MPP7: variants seen among roughly 807,000 people sequenced by gnomAD.
MPP7 encodes MAGUK p55 subfamily member 7.
MPP7 carries 60 observed loss-of-function variants against 76.5 expected under a neutral mutation model. That is an observed-to-expected ratio of 0.78 (90% CI 0.64 to 0.97). MPP7 has a LOEUF of 0.97. Ranked by LOEUF, MPP7 falls within the 50% of genes least tolerant of loss-of-function variation. MPP7 has a pLI of 0.00. For synonymous variants in MPP7, 237 were observed against 244.5 expected (o/e 0.97, Z 0.29); for missense variants, 641 against 694.0 (o/e 0.92, Z 0.86).
At chr10:28,191,603 C>T (rs1365193940) in intron 3 of MPP7, among the ~76,000 whole-genome samples, 3 of 152,192 alleles carry the variant, frequency 2.0e-5, no homozygotes, top group African/African-American at 2.4e-5. Flanking sequence ...GGATGCTTAA[C>T]TAGTTAAAAA....
chr10:28,238,760 T>C (rs1336037120), intron 1 of MPP7, 25 bp from the exon 2 acceptor site: 6 of 679,498 alleles, frequency 8.8e-6, no homozygotes, highest in African/African-American at 1.8e-5. Context: ...AACATTTATA[T>C]TTTTTAAAAA....
chr10:28,060,668 C>G (rs1448395346), intron 13 of MPP7, among the ~76,000 whole-genome samples: 1 of 152,128 alleles, frequency 6.6e-6, no homozygotes, highest in Non-Finnish European at 1.5e-5. Flanking sequence ...GTGCAAAGAA[C>G]TTGGGACGGG....
At position 28,053,864 on chromosome 10, in the gene MPP7, C is replaced by T. The variant is rs192494131; in HGVS notation, c.*201G>A. 1.6e-4 allele frequency: 96 copies of T among 595,658 alleles called. No individual in the cohort carries two copies. In the African/African-American group the frequency reaches 1.7e-3, roughly 11 times the overall value. 36.9% of individuals were successfully genotyped at this position (595,658 alleles called of 1,614,324 possible). Reference sequence around the variant, plus strand: ...GTTTTGCTTAGAATACAGTACTGTGCATATTTTGATTTCGGATCTTATACT... The same window carrying T: ...GTTTTGCTTAGAATACAGTACTGTGTATATTTTGATTTCGGATCTTATACT... On this transcript the variant is annotated 3_prime_UTR_variant, in exon 17 of 17. Transcript: ENST00000683449.
At chr10:28,143,898 T>A (rs1413103507) in intron 5 of MPP7, among the ~76,000 whole-genome samples, 2 of 87,066 alleles carry the variant, frequency 2.3e-5, no homozygotes, top group Non-Finnish European at 4.5e-5. Flanking sequence ...TGTGTGTGTG[T>A]GTGTGAGACT....
At chr10:28,054,649 A>G (rs1333940173) in intron 16 of MPP7, among the ~76,000 whole-genome samples, 3 of 152,090 alleles carry the variant, frequency 2.0e-5, no homozygotes, top group African/African-American at 7.2e-5. Context: ...TCAGAGTTGG[A>G]CAAATTTGTA....
intron 2 of MPP7, among the ~76,000 whole-genome samples, chr10:28,222,620 G>A (rs754814870): frequency 3.0e-4 from 45 of 152,042 alleles, no homozygotes; most frequent in East Asian, 3.9e-4. Flanking sequence ...TCAAGAGGCC[G>A]AGGCAGGCGG....
intron 12 of MPP7, among the ~76,000 whole-genome samples, chr10:28,089,360 T>A (rs1019653878): frequency 1.3e-5 from 2 of 152,152 alleles, no homozygotes; most frequent in African/African-American, 4.8e-5. Context: ...CGAACTTGCA[T>A]TGTGTTCAAA....
At chr10:28,076,852 C>T (rs763260841) in intron 12 of MPP7, among the ~76,000 whole-genome samples, 8 of 149,838 alleles carry the variant, frequency 5.3e-5, no homozygotes, top group Admixed American at 1.3e-4. Context: ...GGCGCCATTG[C>T]GATCTAGCCT....
At chr10:28,254,857 A>G (rs1439381723) in intron 1 of MPP7, 2 of 152,172 alleles carry the variant, frequency 1.3e-5, no homozygotes, top group Non-Finnish European at 2.9e-5. Flanking sequence ...AGAGCAGTTG[A>G]GTTTATGCAG....
chr10:28,058,864 C>T (rs911621099), intron 14 of MPP7, among the ~76,000 whole-genome samples: 6 of 152,084 alleles, frequency 3.9e-5, no homozygotes, highest in African/African-American at 1.4e-4. Context: ...CTAATGTTTT[C>T]CATCACCCCC....
intron 1 of MPP7, among the ~76,000 whole-genome samples, chr10:28,246,947 C>T (rs1000986133): frequency 6.6e-6 from 1 of 152,170 alleles, no homozygotes; most frequent in African/African-American, 2.4e-5. Flanking sequence ...ACATAGAGCA[C>T]AGTACCCCAC....
chr10:28,325,068 T>C (rs1834399262), intron 2 of MPP7, among the ~76,000 whole-genome samples: 1 of 152,134 alleles, frequency 6.6e-6, no homozygotes, highest in Non-Finnish European at 1.5e-5. Context: ...AATTTTAATA[T>C]ATTTTGTAGA....
At chr10:28,130,246 T>C (rs960828809) in intron 6 of MPP7, among the ~76,000 whole-genome samples, 1 of 152,216 alleles carries the variant, frequency 6.6e-6, no homozygotes, top group Admixed American at 6.5e-5. Context: ...AAACACATTA[T>C]ATCTTAGCTG....
Position 28,240,413 on chromosome 10 carries a change from G to A in MPP7, c.-131-1678C>T, listed in dbSNP as rs139542475. Reference sequence around the variant, plus strand: ...TTTTTAATTGTTAAAGTGAAAATTCGTATTAAAAACTTCACCATCAAATGG... The same window carrying A: ...TTTTTAATTGTTAAAGTGAAAATTCATATTAAAAACTTCACCATCAAATGG... On this transcript the variant is annotated intron_variant, in intron 1 of 16. Coordinates refer to ENST00000683449, the MANE Select transcript of MPP7 (RefSeq NM_001318170.2). Among the ~76,000 whole-genome samples the A allele has an allele frequency of 7.3e-4, 111 of 152,146 alleles. 1 individual carries two copies. The highest frequency in any genetic ancestry group is 2.5e-3 in the African/African-American group (103 of 41,546).
chr10:28,259,466 G>C (rs1350740328), intron 1 of MPP7, among the ~76,000 whole-genome samples: 3 of 151,988 alleles, frequency 2.0e-5, no homozygotes, highest in Non-Finnish European at 4.4e-5. Flanking sequence ...TGTAGTCCCA[G>C]CTACTTGTGA....
At chr10:28,253,999 A>G (rs11006955) in intron 1 of MPP7, among the ~76,000 whole-genome samples, 7,875 of 136,820 alleles carry the variant, frequency 0.058, 94 homozygotes, top group Non-Finnish European at 0.087. Context: ...CTGTCTCACA[A>G]AAAAGAAAAA....
Position 28,262,321 on chromosome 10 carries a change from C to T in MPP7, c.-131-23586G>A, listed in dbSNP as rs201422796. 8.8e-5 allele frequency among the ~76,000 whole-genome samples: 12 copies of T among 136,470 alleles called. No homozygotes were observed. The East Asian group carries it at 2.5e-3, about 29-fold the overall frequency. The allele number at this position is 136,470 out of a possible 152,430, so 89.5% of individuals were successfully genotyped here. ...CCATGTTGGCCAGGATGGTCTCGCT[C>T]TCCTGACCTTGTGATCCACCGGCCT... On this transcript the variant is annotated intron_variant, in intron 1 of 16. Transcript: ENST00000683449.
chr10:28,114,401 G>A (rs111269834), intron 11 of MPP7, among the ~76,000 whole-genome samples: 1 of 151,930 alleles, frequency 6.6e-6, no homozygotes, highest in Admixed American at 6.5e-5. Flanking sequence ...AACAGAGTGA[G>A]AGCCTGTCTC....
At chr10:28,120,526 A>G in intron 9 of MPP7, 68 bp downstream of exon 9, 4 of 1,519,406 alleles carry the variant, frequency 2.6e-6, no homozygotes, top group East Asian at 2.3e-5. Flanking sequence ...GACAAAGTGG[A>G]TATGTGTTGG....
Sources: gnomAD v4.1 joint callset for allele counts (sites outside exome capture counted in the v4.1 genomes callset) on GRCh38, gnomAD v4.1.1 for gene constraint, MANE v1.5 for transcripts, NCBI Gene and HGNC (gene_info 2026-07-23, HGNC 2026-07-21) for gene names.